SYT1: variants seen among roughly 807,000 people sequenced by gnomAD.
The protein encoded by SYT1 is synaptotagmin 1.
Under a neutral mutation model 44.8 loss-of-function variants are expected in SYT1, and 8 were observed. The observed-to-expected ratio is 0.18, with a 90% CI of 0.10 to 0.32. SYT1 has a LOEUF of 0.32. SYT1 is among the 10% of genes least tolerant of loss of function. SYT1 has a pLI of 1.00. For missense variants in SYT1, 286 were observed against 509.3 expected (o/e 0.56, Z 4.22); for synonymous variants, 154 against 188.8 (o/e 0.82, Z 1.51).
chr12:79,165,388 C>T (rs1592809315), intron 3 of SYT1, among the ~76,000 whole-genome samples: 1 of 152,004 alleles, frequency 6.6e-6, no homozygotes, highest in East Asian at 1.9e-4. Flanking sequence ...TAGGCACCAT[C>T]CCAAATCAGA....
At chr12:79,400,029 T>G (rs1885016622) in intron 9 of SYT1, among the ~76,000 whole-genome samples, 1 of 152,324 alleles carries the variant, frequency 6.6e-6, no homozygotes, top group East Asian at 1.9e-4. Context: ...TGCAAAGAGC[T>G]TATCTGAGCA....
At chr12:79,216,005 C>T (rs1874778360) in intron 3 of SYT1, among the ~76,000 whole-genome samples, 1 of 132,678 alleles carries the variant, frequency 7.5e-6, no homozygotes, top group Non-Finnish European at 1.5e-5. Context: ...AATCTTGGCT[C>T]ACTGCAACCT....
Position 78,930,103 on chromosome 12 carries a change from G to A in SYT1, c.-216-47696G>A, listed in dbSNP as rs143918195. Reference sequence around the variant, plus strand: ...ATAAGTTTTAGTAATCTATTGCACTGCATAGTGACTACAGATAATAATAAT... The same window carrying A: ...ATAAGTTTTAGTAATCTATTGCACTACATAGTGACTACAGATAATAATAAT... On this transcript the variant is annotated intron_variant, in intron 1 of 10. Transcript: ENST00000261205. 3.1e-3 allele frequency among the ~76,000 whole-genome samples: 476 copies of A among 152,200 alleles called. 1 individual carries two copies. The highest frequency in any genetic ancestry group is 0.011 in the African/African-American group (453 of 41,542).
At chr12:79,060,163 C>T (rs1339508416) in intron 3 of SYT1, among the ~76,000 whole-genome samples, 1 of 152,078 alleles carries the variant, frequency 6.6e-6, no homozygotes, top group Non-Finnish European at 1.5e-5. Context: ...GTTTATCCAG[C>T]TCTATCATAG....
At chr12:78,934,001 A>G (rs1255196840) in intron 1 of SYT1, among the ~76,000 whole-genome samples, 2 of 152,154 alleles carry the variant, frequency 1.3e-5, no homozygotes, top group East Asian at 3.9e-4. Context: ...TTTGGTCAAT[A>G]CAGTTATTCC....
chr12:78,915,295 AGG>A (rs1173712803), intron 1 of SYT1, among the ~76,000 whole-genome samples: 1 of 152,030 alleles, frequency 6.6e-6, no homozygotes, highest in African/African-American at 2.4e-5. Flanking sequence ...GCCCCTCCTC[AGG>A]GCCTAATTCA....
intron 4 of SYT1, among the ~76,000 whole-genome samples, chr12:79,234,363 CA>C (rs1876050620): frequency 6.6e-6 from 1 of 152,178 alleles, no homozygotes; most frequent in Non-Finnish European, 1.5e-5. Context: ...CATATACAAG[CA>C]ATGTAATCAC....
chr12:79,298,845 G>A (rs1879995874), intron 7 of SYT1, among the ~76,000 whole-genome samples: 3 of 152,126 alleles, frequency 2.0e-5, no homozygotes, highest in Admixed American at 2.0e-4. Flanking sequence ...ATTTTAGGGA[G>A]TAGGTGAGGC....
chr12:79,403,882 A>G (rs1885153982), intron 9 of SYT1, among the ~76,000 whole-genome samples: 1 of 152,300 alleles, frequency 6.6e-6, no homozygotes, highest in Middle Eastern at 3.4e-3. Flanking sequence ...AATGAAGGCT[A>G]AAGTTTGAAA....
chr12:78,933,610 T>C (rs1004754625), intron 1 of SYT1, among the ~76,000 whole-genome samples: 5 of 151,132 alleles, frequency 3.3e-5, no homozygotes, highest in Admixed American at 2.0e-4. Context: ...GTACAGTTTA[T>C]TAATAACCAT....
intron 9 of SYT1, among the ~76,000 whole-genome samples, chr12:79,396,946 G>A (rs1884893167): frequency 6.6e-6 from 1 of 152,222 alleles, no homozygotes; most frequent in African/African-American, 2.4e-5. Context: ...CTTAGCTCTG[G>A]TGAACAGACA....
At chr12:79,211,831 A>AT (rs1181830018) in intron 3 of SYT1, among the ~76,000 whole-genome samples, 2 of 151,486 alleles carry the variant, frequency 1.3e-5, no homozygotes, top group African/African-American at 4.9e-5. Flanking sequence ...AAACTTTTTG[A>AT]TGTGTTCTGT....
At chr12:79,043,235 C>A (rs1352309840) in intron 2 of SYT1, among the ~76,000 whole-genome samples, 2 of 149,368 alleles carry the variant, frequency 1.3e-5, no homozygotes, top group Non-Finnish European at 3.0e-5. Flanking sequence ...GTGTTAAAGT[C>A]TCCCATTATT....
intron 3 of SYT1, among the ~76,000 whole-genome samples, chr12:79,178,757 T>G (rs1469285675): frequency 6.6e-6 from 1 of 150,854 alleles, no homozygotes; most frequent in Non-Finnish European, 1.5e-5. Context: ...GTCAAAACAG[T>G]AATTTGTTTA....
chr12:79,321,383 G>A (rs1881350709), intron 8 of SYT1, among the ~76,000 whole-genome samples: 1 of 152,188 alleles, frequency 6.6e-6, no homozygotes, highest in Non-Finnish European at 1.5e-5. Context: ...ATGAACTTAT[G>A]AAAGAAATGT....
At chr12:79,160,617 G>A (rs904072415) in intron 3 of SYT1, among the ~76,000 whole-genome samples, 2 of 152,016 alleles carry the variant, frequency 1.3e-5, no homozygotes, top group African/African-American at 4.8e-5. Context: ...CAGTTTAGTT[G>A]GAGAAGAGTA....
At chr12:79,227,658 G>T (rs2138603115) in intron 4 of SYT1, among the ~76,000 whole-genome samples, 1 of 152,242 alleles carries the variant, frequency 6.6e-6, no homozygotes, top group African/African-American at 2.4e-5. Context: ...ACTGCATACT[G>T]GCTTTGTGAC....
At chr12:79,036,276 G>C (rs144653879) in intron 2 of SYT1, among the ~76,000 whole-genome samples, 1 of 151,878 alleles carries the variant, frequency 6.6e-6, no homozygotes, top group African/African-American at 2.4e-5. Context: ...GTAAGTACCT[G>C]ACAAGCTTGT....
At chr12:79,352,207 CG>C (rs555740637) in intron 8 of SYT1, among the ~76,000 whole-genome samples, 420 of 148,046 alleles carry the variant, frequency 2.8e-3, no homozygotes, top group African/African-American at 0.01. Flanking sequence ...AAAAAAAAAA[CG>C]GGGGGGAATT....
Sources: gnomAD v4.1 joint callset for allele counts (sites outside exome capture counted in the v4.1 genomes callset) on GRCh38, gnomAD v4.1.1 for gene constraint, MANE v1.5 for transcripts, NCBI Gene and HGNC (gene_info 2026-07-23, HGNC 2026-07-21) for gene names.